The following ERVFRD-1 variants were observed in gnomAD, a reference collection of about 807,000 sequenced individuals.
The protein encoded by ERVFRD-1 is endogenous retrovirus group FRD member 1, envelope.
ERVFRD-1 carries 33 observed loss-of-function variants against 43.8 expected under a neutral mutation model. The ratio of observed to expected loss-of-function variants is 0.75; its 90% CI spans 0.57 to 1.01. ERVFRD-1 has a LOEUF of 1.01. Ranked by LOEUF, ERVFRD-1 falls within the 50% of genes least tolerant of loss-of-function variation. The pLI, the probability that ERVFRD-1 is intolerant of heterozygous loss-of-function variation, is 0.00. For missense variants in ERVFRD-1, 568 were observed against 658.4 expected (o/e 0.86, Z 1.50); for synonymous variants, 239 against 244.4 (o/e 0.98, Z 0.21).
intron 1 of ERVFRD-1, 106 bp from the exon 2 acceptor site, chr6:11,105,736 TG>T (rs1393607846): frequency 5.6e-6 from 1 of 177,976 alleles, no homozygotes; most frequent in East Asian, 1.6e-4. Context: ...TGTGAGCCTA[TG>T]GGGTATAGAG....
At chr6:11,108,956 C>T (rs1189605743) in intron 1 of ERVFRD-1, among the ~76,000 whole-genome samples, 1 of 152,168 alleles carries the variant, frequency 6.6e-6, no homozygotes, top group Admixed American at 6.5e-5. Flanking sequence ...TATTACAGTT[C>T]ACAGGCTTTG....
Position 11,103,479 on chromosome 6 carries a change from T to G in ERVFRD-1, c.*215A>C. Reference sequence around the variant, plus strand: ...CCCCCCTCAAGAGTCCAAGACCCAATTATCTGGGAAAATGGACGAAGGTCA... The same window carrying G: ...CCCCCCTCAAGAGTCCAAGACCCAAGTATCTGGGAAAATGGACGAAGGTCA... On this transcript the variant is annotated 3_prime_UTR_variant, in exon 2 of 2. Coordinates refer to ENST00000472091, the MANE Select transcript of ERVFRD-1 (RefSeq NM_207582.3). 2 of 646,304 alleles carry G rather than the reference T, an allele frequency of 3.1e-6. No homozygotes were observed. The highest frequency in any genetic ancestry group is 1.8e-5 in the African/African-American group (1 of 55,550). 40.0% of individuals were successfully genotyped at this position (646,304 alleles called of 1,614,324 possible). A position where few individuals can be genotyped will look rare whatever the true frequency, so the allele number is the denominator to read the frequency against.
At position 11,103,408 on chromosome 6, in the gene ERVFRD-1, T is replaced by C; in HGVS notation, c.*286A>G. The C allele has an allele frequency of 2.8e-6, 1 of 352,802 alleles. No homozygotes were observed. The highest frequency in any genetic ancestry group is 5.1e-6 in the Non-Finnish European group (1 of 196,522). 21.9% of individuals were successfully genotyped at this position (352,802 alleles called of 1,614,324 possible). ...CCTGACATTCCTGGTGAGGGGGCCC[T>C]CCCCTGCCCTGCTCATGTCTGACTA... On this transcript the variant is annotated 3_prime_UTR_variant, in exon 2 of 2. Transcript: ENST00000472091.
chr6:11,104,754 A>G lies in ERVFRD-1; in HGVS notation c.557T>C (p.Leu186Pro). The G allele has an allele frequency of 6.2e-7, 1 of 1,614,244 alleles. No individual in the cohort carries two copies. Among genetic ancestry groups the G allele is most frequent in the Non-Finnish European group, 8.5e-7 (1 of 1,180,032 alleles). ...CTGGCAAAACCGGCTGGATTTATCT[A>G]GCAAAGTTCCCTGAGGAAAAGTAAT... ...PNITFPQGTL[L>P]DKSSRFCQGR... is the part of the protein sequence containing the mutation. Residue 186 changes from leucine to proline, a missense_variant, in exon 2 of 2, where the codon CTA becomes CCA. Coordinates refer to ENST00000472091, the MANE Select transcript of ERVFRD-1 (RefSeq NM_207582.3).
chr6:11,108,917 A>T (rs116103904), intron 1 of ERVFRD-1, among the ~76,000 whole-genome samples: 2 of 152,340 alleles, frequency 1.3e-5, no homozygotes, highest in East Asian at 1.9e-4. Flanking sequence ...TGAGGTTTTC[A>T]TAAGGCCCTT....
At chr6:11,109,837 C>A (rs1222564652) in intron 1 of ERVFRD-1, among the ~76,000 whole-genome samples, 4 of 152,122 alleles carry the variant, frequency 2.6e-5, no homozygotes, top group African/African-American at 9.7e-5. Flanking sequence ...ACTTGATTAC[C>A]TGTCCACAGA....
rs377102411 is a variant in ERVFRD-1, at chr6:11,104,168, A to G, written c.1143T>C (p.Tyr381=). The change falls in exon 2 of 2, where the codon TAT becomes TAC. Residue 381 remains tyrosine (Y), a synonymous_variant. Coordinates refer to ENST00000472091, the MANE Select transcript of ERVFRD-1 (RefSeq NM_207582.3). ...TGGCTATTTCCTTTGAGAGCTGGCT[A>G]TAGGTGAGGGAAGCTTTTGTGATTC... ...IAGITKASLT[Y]SQLSKEIANN... 83 of 1,551,576 alleles carry G rather than the reference A, an allele frequency of 5.3e-5. No individual in the cohort carries two copies. The highest frequency in any genetic ancestry group is 3.3e-4 in the Middle Eastern group (2 of 6,014).
Position 11,104,926 on chromosome 6 carries a change from C to A in ERVFRD-1, c.385G>T (p.Ala129Ser). ...LMGIAPICVM[A>S]KRKNGTNVGT... is the part of the protein sequence containing the mutation. ...ACATTTGTTCCATTTTTCCTTTTGG[C>A]CATAACACAAATAGGGGCTATTCCC... is the stretch of plus-strand genomic sequence containing the variant. Residue 129 changes from alanine to serine, a missense_variant, in exon 2 of 2, where the codon GCC (alanine) becomes TCC (serine). By Grantham distance (99) the Ala-to-Ser change is moderately conservative. Coordinates refer to ENST00000472091, the MANE Select transcript of ERVFRD-1 (RefSeq NM_207582.3). 6.2e-7 allele frequency: 1 copy of A among 1,614,134 alleles called. No homozygotes were observed. The highest frequency in any genetic ancestry group is 8.5e-7 in the Non-Finnish European group (1 of 1,180,026).
chr6:11,103,734 G>C lies in ERVFRD-1; in HGVS notation c.1577C>G (p.Ala526Gly). 1 of 1,551,682 alleles carries C rather than the reference G, an allele frequency of 6.4e-7. No individual in the cohort carries two copies. Among genetic ancestry groups the C allele is most frequent in the South Asian group, 1.2e-5 (1 of 84,060 alleles). Reference sequence around the variant, plus strand: ...TTGAATATTGCGAGGATGGCGTCCTGCACTGAGATTCGTCTGGAGCTTTAT... The same window carrying C: ...TTGAATATTGCGAGGATGGCGTCCTCCACTGAGATTCGTCTGGAGCTTTAT... ...QAIKLQTNLS[A>G]GRHPRNIQES... Residue 526 changes from alanine (A) to glycine (G), a missense_variant, in exon 2 of 2, where the codon GCA becomes GGA. By Grantham distance (60) the Ala-to-Gly change is moderately conservative. Coordinates refer to ENST00000472091, the MANE Select transcript of ERVFRD-1 (RefSeq NM_207582.3).
intron 1 of ERVFRD-1, among the ~76,000 whole-genome samples, chr6:11,106,553 G>T (rs1044103374): frequency 7.2e-5 from 11 of 152,168 alleles, no homozygotes; most frequent in African/African-American, 2.7e-4. Context: ...TAGGCTTTAG[G>T]TAGACGGAGA....
chr6:11,105,591 G>T lies in ERVFRD-1; in HGVS notation c.-281C>A. ...AGGGCTTTTCCACAGCTTCACTTGG[G>T]TGTGATGGATCTAGCTGGCAGTCTC... On this transcript the variant is annotated 5_prime_UTR_variant, in exon 2 of 2. Transcript: ENST00000472091. 2.6e-6 allele frequency: 1 copy of T among 380,968 alleles called. No homozygotes were observed. The highest frequency in any genetic ancestry group is 5.0e-6 in the Non-Finnish European group (1 of 200,138). 23.6% of individuals were successfully genotyped at this position (380,968 alleles called of 1,614,324 possible). A position where few individuals can be genotyped will look rare whatever the true frequency, so the allele number is the denominator to read the frequency against.
At chr6:11,110,961 C>T (rs1017828509) in intron 1 of ERVFRD-1, among the ~76,000 whole-genome samples, 8 of 152,124 alleles carry the variant, frequency 5.3e-5, no homozygotes, top group Non-Finnish European at 1.2e-4. Flanking sequence ...AAACATGGCC[C>T]TGGAGCATAA....
Position 11,102,954 on chromosome 6 carries a change from A to G in ERVFRD-1, c.*740T>C, listed in dbSNP as rs751639874. 1 of 152,188 alleles carries G rather than the reference A, an allele frequency of 6.6e-6. No individual in the cohort carries two copies. 9.4% of individuals were successfully genotyped at this position (152,188 alleles called of 1,614,324 possible). On this transcript the variant is annotated 3_prime_UTR_variant, in exon 2 of 2. Coordinates refer to ENST00000472091, the MANE Select transcript of ERVFRD-1 (RefSeq NM_207582.3). ...CCAAGCGGGTGACTTGAGAGATCCA[A>G]TTGCCTTGGTAGGCCCTTGACTTGG... is the stretch of plus-strand genomic sequence containing the variant.
chr6:11,103,892 C>T lies in ERVFRD-1; in HGVS notation c.1419G>A (p.Trp473Ter), dbSNP rs866974566. ...AAGAGAACCATTTCCAAGTTCCTTCCCAATTTAACCAACCCTGAGTGGCTC... is the reference window on the plus strand; with the variant it reads ...AAGAGAACCATTTCCAAGTTCCTTCTCAATTTAACCAACCCTGAGTGGCTC... Reference protein sequence around the residue: ...RERATQGWLNWEGTWKWFSWV... With the variant: ...RERATQGWLN The change falls in exon 2 of 2, where the codon TGG becomes TGA. Residue 473 changes from tryptophan (W) to a stop codon, truncating the protein, a stop_gained. Coordinates refer to ENST00000472091, the MANE Select transcript of ERVFRD-1 (RefSeq NM_207582.3). LOFTEE classifies it high-confidence loss of function. 6.4e-7 allele frequency: 1 copy of T among 1,551,606 alleles called. No homozygotes were observed. Among genetic ancestry groups the T allele is most frequent in the Non-Finnish European group, 8.7e-7 (1 of 1,146,978 alleles).
chr6:11,110,886 G>A (rs1561754850), intron 1 of ERVFRD-1, among the ~76,000 whole-genome samples: 1 of 152,174 alleles, frequency 6.6e-6, no homozygotes, highest in Non-Finnish European at 1.5e-5. Context: ...GCGAGTGGGT[G>A]GGGTCCTTAA....
At chr6:11,110,487 A>G (rs767932854) in intron 1 of ERVFRD-1, among the ~76,000 whole-genome samples, 39 of 152,092 alleles carry the variant, frequency 2.6e-4, no homozygotes, top group Non-Finnish European at 4.1e-4. Context: ...TTTTCTGCCA[A>G]TTGCTGCAAG....
intron 1 of ERVFRD-1, among the ~76,000 whole-genome samples, chr6:11,106,167 C>T (rs1158436760): frequency 6.6e-6 from 1 of 152,200 alleles, no homozygotes; most frequent in African/African-American, 2.4e-5. Context: ...GTTGGCTGAA[C>T]TGAGGAATGA....
intron 1 of ERVFRD-1, among the ~76,000 whole-genome samples, chr6:11,107,090 AT>A (rs1210961840): frequency 6.6e-6 from 1 of 152,194 alleles, no homozygotes; most frequent in African/African-American, 2.4e-5. Context: ...ATCTAGCTCT[AT>A]CCCTGACAAA....
intron 1 of ERVFRD-1, among the ~76,000 whole-genome samples, chr6:11,111,192 G>A (rs145432447): frequency 1.1e-3 from 166 of 152,314 alleles, no homozygotes; most frequent in Non-Finnish European, 1.6e-3. Flanking sequence ...AACAAATAGG[G>A]AATGTGTGTT....
Sources: allele counts gnomAD v4.1 joint callset (sites outside exome capture counted in the v4.1 genomes callset), GRCh38; gene constraint gnomAD v4.1.1; transcripts MANE v1.5; gene names NCBI Gene and HGNC (gene_info 2026-07-23, HGNC 2026-07-21).